SPSB4: variants seen among roughly 807,000 people sequenced by gnomAD.
The protein encoded by SPSB4 is splA/ryanodine receptor domain and SOCS box containing 4.
In SPSB4, 21 loss-of-function variants were observed where a neutral mutation model predicts 20.9. That is an observed-to-expected ratio of 1.01 (90% CI 0.71 to 1.45). SPSB4 has a LOEUF of 1.45. SPSB4 is among the 40% of genes most tolerant of loss of function. The probability of loss-of-function intolerance (pLI) is 0.00; values close to 1 mark genes in which losing one functional copy is unlikely to be tolerated. For synonymous variants in SPSB4, 207 were observed against 183.8 expected, an observed-to-expected ratio of 1.13 and a Z score of -1.02; for missense variants, 399 against 399.2, an observed-to-expected ratio of 1.00 and a Z score of 0.00.
chr3:141,112,008 GGTTCTGCT>G (rs1553741893), intron 2 of SPSB4, among the ~76,000 whole-genome samples: 1 of 152,124 alleles, frequency 6.6e-6, no homozygotes, highest in Non-Finnish European at 1.5e-5. Context: ...TTTGGCAAAG[GGTTCTGCT>G]GTTTGGAGAA....
rs1355927208 is a variant in SPSB4 at position 141,051,566 on chromosome 3, C to T, written c.-580C>T. The T allele has an allele frequency of 6.9e-6, 1 of 145,174 alleles. No individual in the cohort carries two copies. Among genetic ancestry groups the T allele is most frequent in the East Asian group, 2.4e-4 (1 of 4,122 alleles). The allele number at this position is 145,174 out of a possible 1,614,324, so 9.0% of individuals were successfully genotyped here. A position where few individuals can be genotyped will look rare whatever the true frequency, so the allele number is the denominator to read the frequency against. ...CTGCTACCGCTGCGTGCGCTCAGGGCGCTGGGGAAGACGCCCGGCGCGCCG... is the reference window on the plus strand; with the variant it reads ...CTGCTACCGCTGCGTGCGCTCAGGGTGCTGGGGAAGACGCCCGGCGCGCCG... On this transcript the variant is annotated 5_prime_UTR_variant, in exon 1 of 3. Coordinates refer to ENST00000310546, the MANE Select transcript of SPSB4 (RefSeq NM_080862.3).
rs560574817 is a variant in SPSB4 at position 141,137,066 on chromosome 3, AG to A, written c.695-10075del. Among the ~76,000 whole-genome samples the A allele has an allele frequency of 1.2e-4, 18 of 152,186 alleles. 1 individual carries two copies. The highest frequency in any genetic ancestry group is 1.0e-3 in the Admixed American group (16 of 15,288). ...GAAGAGGTCCTTCACATCCCTTGTA[AG>A]TTGGATTCCTAGGTATTTTATTCTC... On this transcript the variant is annotated intron_variant, in intron 2 of 2. Coordinates refer to ENST00000310546, the MANE Select transcript of SPSB4 (RefSeq NM_080862.3).
At chr3:141,142,984 T>C (rs2107808929) in intron 2 of SPSB4, among the ~76,000 whole-genome samples, 1 of 151,730 alleles carries the variant, frequency 6.6e-6, no homozygotes, top group African/African-American at 2.4e-5. Context: ...GCCCAGCTAA[T>C]TTTTTGTGTT....
chr3:141,142,803 C>CTTTTTTTTTTT lies in SPSB4; in HGVS notation c.695-4318_695-4308dup, dbSNP rs57674247. On this transcript the variant is annotated intron_variant, in intron 2 of 2. Transcript: ENST00000310546. Reference sequence around the variant, plus strand: ...ATTATGATATAATGTCCCTCTTTGTCTTTTTTTTTTTTTTTTTTTTTTTTT... The same window carrying CTTTTTTTTTTT: ...ATTATGATATAATGTCCCTCTTTGTCTTTTTTTTTTTTTTTTTTTTTTTTTTTTTTTTTTTT... 4.7e-4 allele frequency among the ~76,000 whole-genome samples: 29 copies of CTTTTTTTTTTT among 62,036 alleles called. 3 individuals carry two copies. Among genetic ancestry groups the CTTTTTTTTTTT allele is most frequent in the Non-Finnish European group, 6.2e-4 (19 of 30,582 alleles). The allele number at this position is 62,036 out of a possible 152,430, so 40.7% of individuals were successfully genotyped here.
chr3:141,066,621 C>G lies in SPSB4; in HGVS notation c.517C>G (p.Leu173Val), dbSNP rs776797748. The G allele has an allele frequency of 5.0e-6, 8 of 1,605,262 alleles. No homozygotes were observed. The highest frequency in any genetic ancestry group is 6.0e-6 in the Non-Finnish European group (7 of 1,175,814). ...TCTGGGGCCCGACGAGGCCTTTGCG[C>G]TGCCCGACTCGCTGCTCGTGGTGCT... is the stretch of plus-strand genomic sequence containing the variant. ...AFLGPDEAFA[L>V]PDSLLVVLDM... is the part of the protein sequence containing the mutation. The change falls in exon 2 of 3, where the codon CTG becomes GTG. Residue 173 changes from leucine to valine, a missense_variant. Coordinates refer to ENST00000310546, the MANE Select transcript of SPSB4 (RefSeq NM_080862.3).
chr3:141,122,371 G>T (rs897082793), intron 2 of SPSB4, among the ~76,000 whole-genome samples: 1 of 152,164 alleles, frequency 6.6e-6, no homozygotes, highest in Non-Finnish European at 1.5e-5. Flanking sequence ...GGCTACACAG[G>T]GGTCAGGGAC....
chr3:141,075,465 G>A (rs185489281), intron 2 of SPSB4, among the ~76,000 whole-genome samples: 9 of 152,192 alleles, frequency 5.9e-5, no homozygotes, highest in East Asian at 1.9e-4. Flanking sequence ...GCAGTTCCTC[G>A]GTATCCTCAC....
At chr3:141,118,111 C>T (rs1559852592) in intron 2 of SPSB4, among the ~76,000 whole-genome samples, 1 of 152,248 alleles carries the variant, frequency 6.6e-6, no homozygotes, top group African/African-American at 2.4e-5. Flanking sequence ...CTAATTTACA[C>T]TCCCACCAAT....
At chr3:141,146,923 T>A (rs1939423136) in intron 2 of SPSB4, among the ~76,000 whole-genome samples, 1 of 152,190 alleles carries the variant, frequency 6.6e-6, no homozygotes, top group South Asian at 2.1e-4. Context: ...TTGAATTGAT[T>A]TTGTGACTCT....
intron 1 of SPSB4, among the ~76,000 whole-genome samples, chr3:141,055,518 G>T (rs1322154692): frequency 2.6e-5 from 4 of 152,134 alleles, no homozygotes; most frequent in Non-Finnish European, 4.4e-5. Flanking sequence ...GAAGAGATTG[G>T]TGGGTGTCTT....
chr3:141,122,310 C>T (rs773225276), intron 2 of SPSB4, among the ~76,000 whole-genome samples: 108 of 152,236 alleles, frequency 7.1e-4, no homozygotes, highest in Non-Finnish European at 5.1e-4. Flanking sequence ...AGAGGGGTAC[C>T]TGCCTGTATG....
At chr3:141,081,688 C>G (rs887308855) in intron 2 of SPSB4, among the ~76,000 whole-genome samples, 3 of 152,138 alleles carry the variant, frequency 2.0e-5, no homozygotes, top group African/African-American at 7.2e-5. Context: ...GGCAGTTCTG[C>G]AGCAGGCCTC....
intron 1 of SPSB4, among the ~76,000 whole-genome samples, 181 bp downstream of exon 1, chr3:141,052,173 C>T (rs1215258943): frequency 1.3e-5 from 2 of 152,288 alleles, no homozygotes; most frequent in Non-Finnish European, 1.5e-5. Flanking sequence ...AGCCCTGGGG[C>T]GTTTGGGGCC....
intron 2 of SPSB4, among the ~76,000 whole-genome samples, chr3:141,100,008 G>A (rs1938592438): frequency 6.6e-6 from 1 of 152,166 alleles, no homozygotes; most frequent in African/African-American, 2.4e-5. Context: ...CAGCAGCCAT[G>A]TGGCCTCTTC....
At chr3:141,122,939 T>C (rs1328288126) in intron 2 of SPSB4, among the ~76,000 whole-genome samples, 1 of 152,186 alleles carries the variant, frequency 6.6e-6, no homozygotes, top group Admixed American at 6.5e-5. Context: ...TTGCCCTCCA[T>C]GGGCTGCACG....
In SPSB4 at chr3:141,136,827, T is replaced by C. The variant is rs1419095017; in HGVS notation, c.695-10315T>C. 3.9e-5 allele frequency among the ~76,000 whole-genome samples: 6 copies of C among 152,330 alleles called. No individual in the cohort carries two copies. In the East Asian group the frequency reaches 9.6e-4, roughly 24 times the overall value. Reference sequence around the variant, plus strand: ...AGGATTGACTTGGCGATGTGGGCTCTTTTTTGGTTCCATATGAACTTTAAA... The same window carrying C: ...AGGATTGACTTGGCGATGTGGGCTCCTTTTTGGTTCCATATGAACTTTAAA... On this transcript the variant is annotated intron_variant, in intron 2 of 2. Coordinates refer to ENST00000310546, the MANE Select transcript of SPSB4 (RefSeq NM_080862.3).
intron 2 of SPSB4, among the ~76,000 whole-genome samples, chr3:141,084,441 C>T (rs1335754070): frequency 6.6e-6 from 1 of 152,190 alleles, no homozygotes; most frequent in Admixed American, 6.5e-5. Flanking sequence ...CTGTACTATG[C>T]CAGCACAGAG....
intron 2 of SPSB4, among the ~76,000 whole-genome samples, chr3:141,110,368 A>T (rs1333766476): frequency 6.6e-6 from 1 of 152,228 alleles, no homozygotes; most frequent in Non-Finnish European, 1.5e-5. Flanking sequence ...CAGTTGGGGA[A>T]ATAGAGGCTG....
intron 2 of SPSB4, among the ~76,000 whole-genome samples, chr3:141,128,619 A>C (rs1037354210): frequency 6.6e-6 from 1 of 152,086 alleles, no homozygotes; most frequent in Non-Finnish European, 1.5e-5. Context: ...TGCTTGGTCC[A>C]GTTGAGGCAG....
Sources: allele counts gnomAD v4.1 joint callset (sites outside exome capture counted in the v4.1 genomes callset), GRCh38; gene constraint gnomAD v4.1.1; transcripts MANE v1.5; gene names NCBI Gene and HGNC (gene_info 2026-07-23, HGNC 2026-07-21).